TRHDE: variants seen among roughly 807,000 people sequenced by gnomAD.
TRHDE encodes the protein thyrotropin releasing hormone degrading enzyme, also known as thyrotropin-releasing hormone-degrading ectoenzyme.
In TRHDE, 72 loss-of-function variants were observed where a neutral mutation model predicts 125.7. The observed-to-expected ratio is 0.57, with a 90% confidence interval of 0.47 to 0.70. The LOEUF is 0.70. Among genes scored for constraint, TRHDE ranks in the 30% least tolerant of loss-of-function variants. TRHDE has a pLI of 0.00. For missense variants in TRHDE, 1,110 were observed against 1,327.1 expected (o/e 0.84, Z 2.54); for synonymous variants, 509 against 509.1 (o/e 1.00, Z 0.00).
intron 3 of TRHDE, among the ~76,000 whole-genome samples, chr12:72,441,152 T>C (rs1874991654): frequency 6.6e-6 from 1 of 151,876 alleles, no homozygotes; most frequent in South Asian, 2.1e-4. Flanking sequence ...ATGGATAAAT[T>C]TTAACTACTT....
At chr12:72,351,166 G>A (rs577990404) in intron 2 of TRHDE, among the ~76,000 whole-genome samples, 27 of 152,130 alleles carry the variant, frequency 1.8e-4, no homozygotes, top group African/African-American at 6.0e-4. Context: ...GAAGCTCTGG[G>A]AAGTAAGCAT....
At chr12:72,270,420 GT>G (rs1879170480), upstream of TRHDE, among the ~76,000 whole-genome samples, 1 of 151,266 alleles carries the variant, frequency 6.6e-6, no homozygotes. Context: ...GCAGGGCTGT[GT>G]TTTTAGTGGT....
At chr12:72,319,930 CAG>C (rs1462162450) in intron 2 of TRHDE, among the ~76,000 whole-genome samples, 1 of 151,970 alleles carries the variant, frequency 6.6e-6, no homozygotes, top group African/African-American at 2.4e-5. Context: ...CTAGGAAGCT[CAG>C]AGTAAAATAT....
rs180717693 is a variant in TRHDE, at chr12:72,586,086, C to T, written c.2321+10544C>T. 3.3e-3 allele frequency among the ~76,000 whole-genome samples: 504 copies of T among 152,186 alleles called. 12 individuals carry two copies. In the South Asian group the frequency reaches 0.039, roughly 12 times the overall value. On this transcript the variant is annotated intron_variant, in intron 12 of 18. Transcript: ENST00000261180. ...GTAAAGAGCTGCTCATATTTTTTAT[C>T]CCAGAACTCATGAAATCTATTTTTG...
chr12:72,633,926 A>G (rs1051067200), intron 15 of TRHDE, among the ~76,000 whole-genome samples: 1 of 152,118 alleles, frequency 6.6e-6, no homozygotes, highest in Non-Finnish European at 1.5e-5. Context: ...CTCATTTGGG[A>G]AAGATGGTTG....
intron 12 of TRHDE, chr12:72,610,995 G>A (rs1219962400): frequency 6.5e-6 from 1 of 153,934 alleles, no homozygotes. Flanking sequence ...TGAGGAGGAA[G>A]GCTGTAAGGC....
intron 3 of TRHDE, among the ~76,000 whole-genome samples, chr12:72,416,765 T>C (rs1873748448): frequency 6.6e-6 from 1 of 152,160 alleles, no homozygotes; most frequent in Non-Finnish European, 1.5e-5. Flanking sequence ...TACCGTGCTG[T>C]TTAGTTATCG....
chr12:72,363,373 A>G (rs1490603362), intron 2 of TRHDE, among the ~76,000 whole-genome samples: 2 of 151,922 alleles, frequency 1.3e-5, no homozygotes, highest in South Asian at 2.1e-4. Context: ...AATCCTCAAT[A>G]AAATACTGGC....
chr12:72,639,411 C>CT (rs1873930691), intron 15 of TRHDE, among the ~76,000 whole-genome samples: 1 of 152,040 alleles, frequency 6.6e-6, no homozygotes, highest in African/African-American at 2.4e-5. Context: ...TTCTTCTAAA[C>CT]TTTTTTCAAA....
intron 2 of TRHDE, among the ~76,000 whole-genome samples, chr12:72,196,765 T>A (rs1877453363): frequency 6.6e-6 from 1 of 152,098 alleles, no homozygotes; most frequent in African/African-American, 2.4e-5. Context: ...CTTACTAAGT[T>A]GTACCAGTCC....
intron 15 of TRHDE, among the ~76,000 whole-genome samples, chr12:72,637,601 G>C (rs1366988559): frequency 6.6e-6 from 1 of 151,948 alleles, no homozygotes; most frequent in Non-Finnish European, 1.5e-5. Context: ...ATGTTAGGGT[G>C]TCAATTTTGG....
At chr12:72,380,629 G>T (rs554380117) in intron 3 of TRHDE, among the ~76,000 whole-genome samples, 1 of 152,172 alleles carries the variant, frequency 6.6e-6, no homozygotes, top group Non-Finnish European at 1.5e-5. Context: ...GAGTAAAGGG[G>T]TGAGAAGTAG....
intron 2 of TRHDE, among the ~76,000 whole-genome samples, chr12:72,374,835 G>C (rs1295661883): frequency 6.6e-6 from 1 of 152,038 alleles, no homozygotes; most frequent in African/African-American, 2.4e-5. Flanking sequence ...GTTCAAGGGA[G>C]ACTAAAAAAA....
chr12:72,579,203 C>CT (rs1871134146), intron 12 of TRHDE, among the ~76,000 whole-genome samples: 1 of 151,890 alleles, frequency 6.6e-6, no homozygotes, highest in Non-Finnish European at 1.5e-5. Flanking sequence ...AAATTATATT[C>CT]TGAAGCCTTT....
At chr12:72,300,626 T>C (rs1435623969) in intron 2 of TRHDE, among the ~76,000 whole-genome samples, 2 of 151,774 alleles carry the variant, frequency 1.3e-5, no homozygotes, top group Non-Finnish European at 2.9e-5. Flanking sequence ...TGTGTGTGTG[T>C]ATATATATGT....
upstream of TRHDE, among the ~76,000 whole-genome samples, chr12:72,270,003 G>A (rs1235981043): frequency 6.6e-6 from 1 of 152,142 alleles, no homozygotes; most frequent in East Asian, 1.9e-4. Flanking sequence ...TCAATCCATG[G>A]ATATTGGATC....
chr12:72,388,031 C>T (rs184353383), intron 3 of TRHDE, among the ~76,000 whole-genome samples: 1 of 152,146 alleles, frequency 6.6e-6, no homozygotes, highest in African/African-American at 2.4e-5. Flanking sequence ...ACCCTTTACC[C>T]CCCCGGACCC....
intron 2 of TRHDE, among the ~76,000 whole-genome samples, chr12:72,345,407 T>C (rs1409421715): frequency 6.6e-6 from 1 of 152,094 alleles, no homozygotes; most frequent in Non-Finnish European, 1.5e-5. Context: ...TCGCACACCA[T>C]TGTCTAGTAT....
At chr12:72,233,218 C>T (rs572495352) in intron 2 of TRHDE, among the ~76,000 whole-genome samples, 2 of 151,996 alleles carry the variant, frequency 1.3e-5, no homozygotes, top group Non-Finnish European at 2.9e-5. Context: ...TGAAATGGTG[C>T]CGAGAAGGTG....
Sources: gnomAD v4.1 joint callset for allele counts (sites outside exome capture counted in the v4.1 genomes callset) on GRCh38, gnomAD v4.1.1 for gene constraint, MANE v1.5 for transcripts, NCBI Gene and HGNC (gene_info 2026-07-23, HGNC 2026-07-21) for gene names.